The following UNC13C variants were observed in gnomAD, a reference collection of about 807,000 sequenced individuals.
UNC13C encodes unc-13 homolog C, also known as protein unc-13 homolog C.
In UNC13C, 174 loss-of-function variants were observed where a neutral mutation model predicts 245.4. The ratio of observed to expected loss-of-function variants is 0.71; its 90% CI spans 0.63 to 0.80. The LOEUF (loss-of-function observed/expected upper bound fraction) is 0.80, where lower values mean the gene tolerates loss of function less well. UNC13C is among the 30% of genes least tolerant of loss of function. The pLI is 0.00. For missense variants in UNC13C, 2,829 were observed against 2,602.9 expected (o/e 1.09, Z -1.89); for synonymous variants, 992 against 895.1 (o/e 1.11, Z -1.93).
At chr15:54,352,584 A>G (rs2036910) in intron 17 of UNC13C, among the ~76,000 whole-genome samples, 71,525 of 151,432 alleles carry the variant, frequency 0.47, 17,278 homozygotes, top group East Asian at 0.73. Context: ...AAGGCATAAA[A>G]CAAAAATACA....
At chr15:54,311,449 A>G (rs1007843932) in intron 13 of UNC13C, among the ~76,000 whole-genome samples, 14 of 151,830 alleles carry the variant, frequency 9.2e-5, no homozygotes, top group Non-Finnish European at 2.1e-4. Context: ...CAAGAAAAAC[A>G]CTATGGTAAT....
At chr15:54,088,204 T>C (rs1899353147) in intron 2 of UNC13C, among the ~76,000 whole-genome samples, 1 of 37,788 alleles carries the variant, frequency 2.6e-5, no homozygotes, top group African/African-American at 5.9e-5. Flanking sequence ...CCTTTTCCTT[T>C]TTTTTTTTTT....
At chr15:54,323,937 T>C (rs1459741551) in intron 14 of UNC13C, among the ~76,000 whole-genome samples, 1 of 152,038 alleles carries the variant, frequency 6.6e-6, no homozygotes, top group Non-Finnish European at 1.5e-5. Context: ...AAAAACTACC[T>C]AGAGGAAAAT....
chr15:54,058,948 G>T (rs1482342556), intron 2 of UNC13C, among the ~76,000 whole-genome samples: 4 of 152,148 alleles, frequency 2.6e-5, no homozygotes, highest in Admixed American at 6.5e-5. Flanking sequence ...ATTAGGTATT[G>T]ACGGGACGTA....
chr15:54,063,103 C>T (rs960658658), intron 2 of UNC13C, among the ~76,000 whole-genome samples: 1 of 152,158 alleles, frequency 6.6e-6, no homozygotes, highest in African/African-American at 2.4e-5. Context: ...GGATGCCTTC[C>T]TATTTCAAAA....
chr15:54,362,825 A>G (rs2039266605), intron 17 of UNC13C, among the ~76,000 whole-genome samples: 1 of 152,206 alleles, frequency 6.6e-6, no homozygotes, highest in African/African-American at 2.4e-5. Context: ...GTGTTCTACG[A>G]GTACATAGGA....
the UNC13C span, among the ~76,000 whole-genome samples, chr15:53,925,656 T>C: frequency 1.3e-5 from 2 of 152,204 alleles, 1 homozygote; most frequent in South Asian, 4.1e-4. Flanking sequence ...CCCCGTAAAA[T>C]GACAGGCTCC....
intron 30 of UNC13C, among the ~76,000 whole-genome samples, chr15:54,600,721 A>T (rs1899366163): frequency 1.3e-5 from 2 of 152,076 alleles, no homozygotes; most frequent in African/African-American, 4.8e-5. Flanking sequence ...TTTATCTTTG[A>T]AAACAAAGCT....
At chr15:54,384,955 T>C (rs1056645129) in intron 17 of UNC13C, among the ~76,000 whole-genome samples, 1 of 151,934 alleles carries the variant, frequency 6.6e-6, no homozygotes, top group Admixed American at 6.6e-5. Flanking sequence ...AAAACCACAA[T>C]GAAACATCAC....
At chr15:54,347,551 T>G (rs1017866109) in intron 17 of UNC13C, among the ~76,000 whole-genome samples, 4 of 152,196 alleles carry the variant, frequency 2.6e-5, no homozygotes, top group African/African-American at 9.6e-5. Flanking sequence ...TGAATCTGAT[T>G]AGAAGGTTTG....
the UNC13C span, among the ~76,000 whole-genome samples, chr15:53,902,020 C>A: frequency 4.0e-5 from 6 of 149,480 alleles, no homozygotes; most frequent in African/African-American, 1.5e-4. Context: ...AAGACTAATA[C>A]CACCACATGT....
the UNC13C span, among the ~76,000 whole-genome samples, chr15:53,882,554 A>G: frequency 1.2e-4 from 19 of 152,196 alleles, no homozygotes; most frequent in Admixed American, 7.9e-4. Flanking sequence ...TCCTTTAAGA[A>G]AAGACATTTC....
chr15:54,084,798 G>A (rs939827179), intron 2 of UNC13C, among the ~76,000 whole-genome samples: 2 of 152,126 alleles, frequency 1.3e-5, no homozygotes, highest in Non-Finnish European at 2.9e-5. Context: ...TCATATAGAT[G>A]AGATCCTAAT....
At chr15:53,861,655 A>G in the UNC13C span, among the ~76,000 whole-genome samples, 1 of 152,174 alleles carries the variant, frequency 6.6e-6, no homozygotes, top group South Asian at 2.1e-4. Context: ...ATAAAAGAAA[A>G]AAGAAAAGTG....
At chr15:54,447,797 AT>A (rs1890908827) in intron 19 of UNC13C, among the ~76,000 whole-genome samples, 1 of 151,842 alleles carries the variant, frequency 6.6e-6, no homozygotes, top group Non-Finnish European at 1.5e-5. Flanking sequence ...GATCTTAGTT[AT>A]TTCTTGCCTT....
intron 17 of UNC13C, among the ~76,000 whole-genome samples, chr15:54,375,181 G>A (rs1430188904): frequency 3.3e-5 from 5 of 152,182 alleles, no homozygotes; most frequent in Non-Finnish European, 7.3e-5. Context: ...AAGCTTGGAT[G>A]TTTTCCACAT....
In UNC13C at chr15:54,076,063, C is replaced by CTTTT. The variant is rs369248247; in HGVS notation, c.2983+60189_2983+60192dup. Among the ~76,000 whole-genome samples, 82 of 124,838 alleles carry CTTTT rather than the reference C, an allele frequency of 6.6e-4. 1 individual carries two copies. Among genetic ancestry groups the CTTTT allele is most frequent in the African/African-American group, 1.6e-3 (54 of 32,966 alleles). 81.9% of individuals were successfully genotyped at this position (124,838 alleles called of 152,430 possible). Reference sequence around the variant, plus strand: ...CTCTTTCTGCTCCTTCACTTAGATTCTTTTTTTTTTTTTTTCACTTTGTCT... The same window carrying CTTTT: ...CTCTTTCTGCTCCTTCACTTAGATTCTTTTTTTTTTTTTTTTTTTCACTTTGTCT... On this transcript the variant is annotated intron_variant, in intron 2 of 32. Coordinates refer to ENST00000260323, the MANE Select transcript of UNC13C (RefSeq NM_001080534.3).
chr15:54,465,164 A>G (rs1892099862), intron 19 of UNC13C, among the ~76,000 whole-genome samples: 2 of 152,116 alleles, frequency 1.3e-5, no homozygotes, highest in African/African-American at 2.4e-5. Flanking sequence ...GAAACAGTCA[A>G]TAAGACAGTG....
chr15:53,839,412 A>G, the UNC13C span, among the ~76,000 whole-genome samples: 1 of 152,110 alleles, frequency 6.6e-6, no homozygotes, highest in African/African-American at 2.4e-5. Context: ...ATTTAATTTT[A>G]TAATGCATTT....
Sources: allele counts gnomAD v4.1 joint callset (sites outside exome capture counted in the v4.1 genomes callset), GRCh38; gene constraint gnomAD v4.1.1; transcripts MANE v1.5; gene names NCBI Gene and HGNC (gene_info 2026-07-23, HGNC 2026-07-21).